Variants in SOX5 observed in about 807,000 individuals in gnomAD.
The protein encoded by SOX5 is SRY-box transcription factor 5.
Under a neutral mutation model 92.0 loss-of-function variants are expected in SOX5, and 9 were observed. The observed-to-expected ratio is 0.10, with a 90% CI of 0.06 to 0.17. SOX5 has a LOEUF of 0.17. SOX5 is among the 10% of genes least tolerant of loss of function. The probability of loss-of-function intolerance (pLI) is 1.00; values close to 1 mark genes in which losing one functional copy is unlikely to be tolerated. For missense variants in SOX5, 642 were observed against 944.5 expected (o/e 0.68, Z 4.20); for synonymous variants, 344 against 336.3 (o/e 1.02, Z -0.25).
At chr12:23,748,501 A>C (rs1312911792) in intron 4 of SOX5, among the ~76,000 whole-genome samples, 1 of 152,034 alleles carries the variant, frequency 6.6e-6, no homozygotes, top group Non-Finnish European at 1.5e-5. Flanking sequence ...AAATGGCTTG[A>C]AATCAAATCA....
chr12:23,789,369 TAGC>T (rs1175071663), intron 3 of SOX5, among the ~76,000 whole-genome samples: 1 of 152,120 alleles, frequency 6.6e-6, no homozygotes, highest in African/African-American at 2.4e-5. Context: ...TTCCCATTCT[TAGC>T]AGTATTAACC....
rs190828293 is a variant in SOX5, at chr12:23,700,460, T to C, written c.810+34224A>G. ...GCAGAAATATATTATAAAGCACTTT[T>C]AACCAAAAACTAGTTGATTCAACAA... is the stretch of plus-strand genomic sequence containing the variant. On this transcript the variant is annotated intron_variant, in intron 6 of 14. Coordinates refer to ENST00000451604, the MANE Select transcript of SOX5 (RefSeq NM_006940.6). Among the ~76,000 whole-genome samples the C allele has an allele frequency of 5.7e-4, 87 of 152,224 alleles. 1 individual carries two copies. Among genetic ancestry groups the C allele is most frequent in the African/African-American group, 2.0e-3 (83 of 41,546 alleles).
At chr12:23,723,019 G>C (rs2092906293) in intron 6 of SOX5, among the ~76,000 whole-genome samples, 1 of 152,172 alleles carries the variant, frequency 6.6e-6, no homozygotes, top group African/African-American at 2.4e-5. Flanking sequence ...GCAGGCAACA[G>C]AAAAATTTTA....
chr12:23,625,876 G>A (rs1028916746), intron 8 of SOX5, among the ~76,000 whole-genome samples: 10 of 152,128 alleles, frequency 6.6e-5, no homozygotes, highest in African/African-American at 2.2e-4. Context: ...CAAAGTGTTG[G>A]GATTACAGGC....
intron 1 of SOX5, among the ~76,000 whole-genome samples, chr12:24,540,459 C>G (rs1440839163): frequency 1.3e-5 from 2 of 152,104 alleles, no homozygotes; most frequent in Non-Finnish European, 2.9e-5. Flanking sequence ...TTTTCTAAGT[C>G]TGTGCACACA....
Position 23,530,820 on chromosome 12 carries a change from C to CGTGT in SOX5, c.*3398_*3399insACAC, listed in dbSNP as rs1333121025. On this transcript the variant is annotated 3_prime_UTR_variant, in exon 15 of 15. Coordinates refer to ENST00000451604, the MANE Select transcript of SOX5 (RefSeq NM_006940.6). ...GCAAGTGTGTGTGTGTGTGTGTGTG[C>CGTGT]GCGCGCGCGCGCGCGCATGTGAGAG... The CGTGT allele has an allele frequency of 4.6e-5, 4 of 87,392 alleles. 1 individual carries two copies. The South Asian group carries it at 1.8e-3, about 40-fold the overall frequency. The allele number at this position is 87,392 out of a possible 1,614,324, so 5.4% of individuals were successfully genotyped here. A position where few individuals can be genotyped will look rare whatever the true frequency, so the allele number is the denominator to read the frequency against.
intron 2 of SOX5, among the ~76,000 whole-genome samples, chr12:23,854,496 G>C (rs989757199): frequency 6.6e-6 from 1 of 151,402 alleles, no homozygotes; most frequent in Non-Finnish European, 1.5e-5. Flanking sequence ...AACTCTCTAA[G>C]CCTGTTTCCT....
chr12:24,245,721 AC>A (rs1459448525), intron 3 of SOX5, among the ~76,000 whole-genome samples: 1 of 152,176 alleles, frequency 6.6e-6, no homozygotes, highest in Non-Finnish European at 1.5e-5. Flanking sequence ...AAGGTTTAAA[AC>A]CCAACCAGCA....
chr12:23,874,397 A>C (rs973556742), intron 2 of SOX5, among the ~76,000 whole-genome samples: 7 of 152,226 alleles, frequency 4.6e-5, no homozygotes, highest in African/African-American at 1.7e-4. Context: ...GACGCACCAT[A>C]CGCAGACCAC....
intron 2 of SOX5, among the ~76,000 whole-genome samples, chr12:24,330,059 A>G (rs1434870055): frequency 6.6e-6 from 1 of 152,116 alleles, no homozygotes; most frequent in Non-Finnish European, 1.5e-5. Context: ...TTAAAAACCT[A>G]AAAGTATCCA....
chr12:24,442,047 G>T (rs1940694109), intron 1 of SOX5, among the ~76,000 whole-genome samples: 1 of 152,138 alleles, frequency 6.6e-6, no homozygotes, highest in Admixed American at 6.5e-5. Context: ...TGAACTATAC[G>T]CCACAACAAG....
At chr12:24,079,829 T>C (rs1592961727) in intron 4 of SOX5, among the ~76,000 whole-genome samples, 1 of 152,114 alleles carries the variant, frequency 6.6e-6, no homozygotes, top group African/African-American at 2.4e-5. Context: ...AACACCTTTT[T>C]TTGTAGTTAC....
intron 2 of SOX5, among the ~76,000 whole-genome samples, chr12:24,280,102 C>T (rs979182525): frequency 2.0e-5 from 3 of 152,058 alleles, no homozygotes; most frequent in Non-Finnish European, 2.9e-5. Flanking sequence ...AAAATATATT[C>T]ATTTTATGGA....
chr12:23,930,529 T>G (rs1941165473), intron 1 of SOX5, among the ~76,000 whole-genome samples: 1 of 151,710 alleles, frequency 6.6e-6, no homozygotes, highest in South Asian at 2.1e-4. Flanking sequence ...GTCCTTCAAG[T>G]GGTTTACTGG....
chr12:24,290,552 C>G (rs1946503078), intron 2 of SOX5, among the ~76,000 whole-genome samples: 1 of 152,132 alleles, frequency 6.6e-6, no homozygotes, highest in Non-Finnish European at 1.5e-5. Flanking sequence ...CACAACTGGT[C>G]AGTGTTGGAG....
intron 4 of SOX5, among the ~76,000 whole-genome samples, chr12:24,024,721 A>G (rs1255088192): frequency 6.6e-6 from 1 of 152,056 alleles, no homozygotes; most frequent in Non-Finnish European, 1.5e-5. Flanking sequence ...CTGTGTTAGC[A>G]TTGGACAGAA....
chr12:23,809,524 G>T (rs1368452403), intron 3 of SOX5, among the ~76,000 whole-genome samples: 1 of 151,398 alleles, frequency 6.6e-6, no homozygotes. Context: ...TTTTATTAAA[G>T]CTGGTTTTCA....
chr12:23,619,979 A>G (rs1371870224), intron 8 of SOX5, among the ~76,000 whole-genome samples: 3 of 152,164 alleles, frequency 2.0e-5, no homozygotes, highest in African/African-American at 7.2e-5. Flanking sequence ...CAATGAAATA[A>G]TTACACAAAT....
At position 23,613,361 on chromosome 12, in the gene SOX5, A is replaced by C. The variant is rs182004197; in HGVS notation, c.1018-8828T>G. On this transcript the variant is annotated intron_variant, in intron 8 of 14. Transcript: ENST00000451604. ...AAAAAAAAAAAAGCACCAGAAAGTA[A>C]CAAATGCTGGCAAGGATGTGGAGGA... Among the ~76,000 whole-genome samples, 564 of 152,094 alleles carry C rather than the reference A, an allele frequency of 3.7e-3. 11 individuals carry two copies. Among genetic ancestry groups the C allele is most frequent in the East Asian group, 7.7e-4 (4 of 5,186 alleles).
Sources: allele counts gnomAD v4.1 joint callset (sites outside exome capture counted in the v4.1 genomes callset), GRCh38; gene constraint gnomAD v4.1.1; transcripts MANE v1.5; gene names NCBI Gene and HGNC (gene_info 2026-07-23, HGNC 2026-07-21).